Variants in HADHB observed in about 807,000 individuals in gnomAD.
HADHB encodes the protein trifunctional enzyme subunit beta, mitochondrial.
In HADHB, 50 loss-of-function variants were observed where a neutral mutation model predicts 61.9. The observed-to-expected ratio is 0.81, with a 90% CI of 0.64 to 1.02. The LOEUF (loss-of-function observed/expected upper bound fraction) is 1.02, where lower values mean the gene tolerates loss of function less well. HADHB is among the 50% of genes least tolerant of loss of function. The pLI is 0.00. For missense variants in HADHB, 504 were observed against 586.5 expected (o/e 0.86, Z 1.45); for synonymous variants, 191 against 201.6 (o/e 0.95, Z 0.45).
chr2:26,284,624 C>T (rs541139028), intron 13 of HADHB, among the ~76,000 whole-genome samples: 59 of 151,868 alleles, frequency 3.9e-4, no homozygotes, highest in South Asian at 2.1e-4. Flanking sequence ...CCACCATGCC[C>T]GACTAATTTT....
chr2:26,279,670 C>T (rs1237613305), intron 9 of HADHB, among the ~76,000 whole-genome samples: 1 of 151,184 alleles, frequency 6.6e-6, no homozygotes, highest in Non-Finnish European at 1.5e-5. Flanking sequence ...TTAGATCTTG[C>T]TGATATATTT....
intron 1 of HADHB, among the ~76,000 whole-genome samples, chr2:26,253,126 T>C (rs1353568210): frequency 6.6e-6 from 1 of 152,224 alleles, no homozygotes; most frequent in Admixed American, 6.5e-5. Context: ...CTGTGCCTAT[T>C]TGTCTGCTAG....
At chr2:26,269,253 G>A (rs1300418109) in intron 4 of HADHB, among the ~76,000 whole-genome samples, 1 of 152,026 alleles carries the variant, frequency 6.6e-6, no homozygotes, top group Non-Finnish European at 1.5e-5. Flanking sequence ...CCAGACTGGA[G>A]TGCAGTGGTG....
chr2:26,283,409 A>T (rs1672883560), intron 12 of HADHB, among the ~76,000 whole-genome samples: 1 of 152,116 alleles, frequency 6.6e-6, no homozygotes, highest in Non-Finnish European at 1.5e-5. Flanking sequence ...CTGTAGTCCC[A>T]GCTACTCGGG....
intron 3 of HADHB, among the ~76,000 whole-genome samples, chr2:26,258,437 C>T (rs535572374): frequency 1.3e-5 from 2 of 152,282 alleles, no homozygotes; most frequent in South Asian, 2.1e-4. Context: ...TCGATTAGGA[C>T]GAACCTGGGC....
chr2:26,275,698 C>G (rs919070351), intron 6 of HADHB, among the ~76,000 whole-genome samples: 8 of 152,276 alleles, frequency 5.3e-5, no homozygotes, highest in Admixed American at 4.6e-4. Context: ...GGCAGAAGTT[C>G]TCAACAAAGC....
At chr2:26,261,224 TC>T (rs1188287752) in intron 3 of HADHB, 1 of 385,606 alleles carries the variant, frequency 2.6e-6, no homozygotes, top group African/African-American at 2.7e-5. Context: ...CCCCCCCCCA[TC>T]CAGACAAACA....
intron 7 of HADHB, 116 bp from the exon 8 acceptor site, chr2:26,278,498 C>A: frequency 1.1e-6 from 1 of 876,200 alleles, no homozygotes; most frequent in Non-Finnish European, 1.9e-6. Context: ...ACTTTAATTA[C>A]AGATGTTGTA....
At chr2:26,285,699 G>T in intron 15 of HADHB, 128 bp downstream of exon 15, 10 of 386,884 alleles carry the variant, frequency 2.6e-5, no homozygotes, top group East Asian at 1.2e-4. Context: ...AGTGGGGAGG[G>T]ATAACAGCTG....
chr2:26,261,236 A>C (rs896609024), intron 3 of HADHB: 2 of 491,524 alleles, frequency 4.1e-6, no homozygotes, highest in Non-Finnish European at 3.6e-6. Flanking sequence ...CAGACAAACA[A>C]AAAAAGTATC....
At chr2:26,250,387 C>T (rs1034460180) in intron 1 of HADHB, among the ~76,000 whole-genome samples, 4 of 152,148 alleles carry the variant, frequency 2.6e-5, no homozygotes, top group African/African-American at 9.7e-5. Context: ...AATATTTTCT[C>T]TGAATCTATT....
intron 12 of HADHB, 132 bp from the exon 13 acceptor site, chr2:26,283,985 A>G (rs1672909047): frequency 3.0e-6 from 2 of 664,964 alleles, no homozygotes; most frequent in Non-Finnish European, 5.4e-6. Flanking sequence ...CATTTCATTA[A>G]TCAGTACAGA....
At chr2:26,287,693 A>G (rs954152766) in intron 15 of HADHB, among the ~76,000 whole-genome samples, 2 of 152,226 alleles carry the variant, frequency 1.3e-5, no homozygotes, top group African/African-American at 4.8e-5. Flanking sequence ...CAATACCAAC[A>G]TGGTTGGAGA....
chr2:26,256,661 T>G (rs913491910), intron 3 of HADHB, among the ~76,000 whole-genome samples: 6 of 152,116 alleles, frequency 3.9e-5, no homozygotes, highest in Admixed American at 2.6e-4. Context: ...AATTGTAGGT[T>G]TTGGAGTTGG....
chr2:26,261,631 C>T (rs1671870061), intron 3 of HADHB: 1 of 152,534 alleles, frequency 6.6e-6, no homozygotes, highest in African/African-American at 2.4e-5. Flanking sequence ...AAAAACTAGC[C>T]AGGTGTGGTG....
At chr2:26,266,793 T>C (rs1009040687) in intron 4 of HADHB, among the ~76,000 whole-genome samples, 30 of 138,960 alleles carry the variant, frequency 2.2e-4, no homozygotes, top group African/African-American at 7.8e-4. Flanking sequence ...GGTGGGAGAC[T>C]ATCTTGAGCC....
Position 26,284,913 on chromosome 2 carries a change from G to T in HADHB, c.1180G>T (p.Asp394Tyr), listed in dbSNP as rs995152890. The change falls in exon 14 of 16, where the codon GAT becomes TAT. Residue 394 changes from aspartate to tyrosine, a missense_variant. By Grantham distance (160) the Asp-to-Tyr change is radical. Transcript: ENST00000317799. ...GATTTTGGCAAATTTTAAAGCCATG[G>T]ATTCTGATTGGTTTGCAGAAAACTA... ...GQILANFKAM[D>Y]SDWFAENYMG... is the part of the protein sequence containing the mutation. 3.8e-6 allele frequency: 6 copies of T among 1,598,914 alleles called. No individual in the cohort carries two copies. In the African/African-American group the frequency reaches 8.0e-5, roughly 21 times the overall value.
chr2:26,260,837 T>A (rs1291728443), intron 3 of HADHB: 2 of 600,964 alleles, frequency 3.3e-6, no homozygotes, highest in Admixed American at 2.9e-5. Context: ...TCTATCATTC[T>A]TCATTCTGGC....
chr2:26,263,328 A>G, intron 3 of HADHB, 52 bp from the exon 4 acceptor site: 2 of 1,036,382 alleles, frequency 1.9e-6, no homozygotes, highest in Non-Finnish European at 3.0e-6. Context: ...AAAAGTCATC[A>G]GACTTTATAT....
Sources: gnomAD v4.1 joint callset for allele counts (sites outside exome capture counted in the v4.1 genomes callset) on GRCh38, gnomAD v4.1.1 for gene constraint, MANE v1.5 for transcripts, NCBI Gene and HGNC (gene_info 2026-07-23, HGNC 2026-07-21) for gene names.